Variants in BRSK2 observed in about 807,000 individuals in gnomAD.
BRSK2 encodes the protein BR serine/threonine kinase 2, also known as serine/threonine-protein kinase BRSK2.
Under a neutral mutation model 83.3 loss-of-function variants are expected in BRSK2, and 19 were observed. The ratio of observed to expected loss-of-function variants is 0.23; its 90% CI spans 0.16 to 0.33. The LOEUF (loss-of-function observed/expected upper bound fraction) is 0.33, where lower values mean the gene tolerates loss of function less well. Among genes scored for constraint, BRSK2 ranks in the 10% least tolerant of loss-of-function variants. The pLI is 1.00. For synonymous variants in BRSK2, 519 were observed against 435.4 expected (o/e 1.19, Z -2.39); for missense variants, 798 against 1,042.3 (o/e 0.77, Z 3.23).
chr11:1,448,610 A>G (rs772187278), intron 12 of BRSK2, among the ~76,000 whole-genome samples: 2 of 152,110 alleles, frequency 1.3e-5, no homozygotes, highest in African/African-American at 4.8e-5. Context: ...CGGGCTCGAC[A>G]GGAACCACAG....
At chr11:1,445,534 G>T (rs780539802) in intron 10 of BRSK2, 37 bp from the exon 11 acceptor site, 3 of 1,598,494 alleles carry the variant, frequency 1.9e-6, no homozygotes, top group African/African-American at 2.7e-5. Context: ...CGGCGGCCCC[G>T]TGTGCCAGCG....
rs919231590 is a variant in BRSK2 at position 1,390,603 on chromosome 11, G to A, written c.91+228G>A. Reference sequence around the variant, plus strand: ...GGCCGGGCGCGGCCCAAGGACACGCGGCGCGGCGCGGGGCGCGCAGGCGGA... The same window carrying A: ...GGCCGGGCGCGGCCCAAGGACACGCAGCGCGGCGCGGGGCGCGCAGGCGGA... On this transcript the variant is annotated intron_variant, in intron 1 of 19. Coordinates refer to ENST00000528841, the MANE Select transcript of BRSK2 (RefSeq NM_001256627.2). This position sits in a 1 kb window ranked among gnomAD's most constrained non-coding sequence, Gnocchi z 6.8. 4.1e-5 allele frequency among the ~76,000 whole-genome samples: 6 copies of A among 145,346 alleles called. No homozygotes were observed. Among genetic ancestry groups the A allele is most frequent in the African/African-American group, 1.2e-4 (5 of 40,572 alleles).
At chr11:1,455,279 C>G (rs868775405) in intron 16 of BRSK2, among the ~76,000 whole-genome samples, 37 of 151,504 alleles carry the variant, frequency 2.4e-4, no homozygotes, top group South Asian at 1.0e-3. Context: ...TGTGCTGCAC[C>G]CAGCGCCCAG....
At chr11:1,459,804 C>T (rs1847180922) in intron 19 of BRSK2, among the ~76,000 whole-genome samples, 2 of 152,162 alleles carry the variant, frequency 1.3e-5, no homozygotes, top group Non-Finnish European at 1.5e-5. Flanking sequence ...TGCCCCCAGC[C>T]CCCCAGCCTG....
intron 1 of BRSK2, among the ~76,000 whole-genome samples, chr11:1,426,138 C>A (rs981029652): frequency 6.6e-6 from 1 of 152,222 alleles, no homozygotes; most frequent in South Asian, 2.1e-4. Flanking sequence ...CTTGGGTGCT[C>A]TGGGCACCCA....
intron 18 of BRSK2, among the ~76,000 whole-genome samples, chr11:1,457,832 G>A (rs1298068668): frequency 4.3e-5 from 4 of 93,870 alleles, no homozygotes; most frequent in Non-Finnish European, 1.1e-4. Flanking sequence ...CTTGCTGCGG[G>A]CTGGGGGCTG....
chr11:1,408,096 A>G (rs961159056), intron 1 of BRSK2, among the ~76,000 whole-genome samples: 16 of 152,160 alleles, frequency 1.1e-4, no homozygotes, highest in Non-Finnish European at 1.8e-4. Flanking sequence ...TCTGCAGCCC[A>G]TCCTCTGGCC....
rs1276003222 is a variant in BRSK2, at chr11:1,448,901, G to A, written c.1227-875G>A. On this transcript the variant is annotated intron_variant, in intron 12 of 19. Coordinates refer to ENST00000528841, the MANE Select transcript of BRSK2 (RefSeq NM_001256627.2). Reference sequence around the variant, plus strand: ...GGGGCCTGGGCCGTGGTGTGGACTAGCGAGGCCCCTCGTGGCCGGCTGGCG... The same window carrying A: ...GGGGCCTGGGCCGTGGTGTGGACTAACGAGGCCCCTCGTGGCCGGCTGGCG... 2.6e-5 allele frequency among the ~76,000 whole-genome samples: 4 copies of A among 152,364 alleles called. No individual in the cohort carries two copies. The East Asian group carries it at 7.7e-4, about 29-fold the overall frequency.
In BRSK2 at chr11:1,390,146, CGGCGCGAAGCAGCGGGGCCCGCGGG is replaced by C; in HGVS notation, c.-133_-109del. The stretch of plus-strand genomic sequence containing the variant: ...GGGCGGCGGCGCGGGCGGACGCGGG[CGGCGCGAAGCAGCGGGGCCCGCGGG>C]GGCGCCCCGGCCGGGTCGGCGCGGA... On this transcript the variant is annotated 5_prime_UTR_variant, in exon 1 of 20. Coordinates refer to ENST00000528841, the MANE Select transcript of BRSK2 (RefSeq NM_001256627.2). The surrounding 1 kb of genome is among the most constrained non-coding windows in gnomAD (Gnocchi z 6.8). The C allele has an allele frequency of 2.3e-5, 5 of 221,902 alleles. No individual in the cohort carries two copies. Among genetic ancestry groups the C allele is most frequent in the Non-Finnish European group, 3.7e-5 (5 of 135,578 alleles). The allele number at this position is 221,902 out of a possible 1,614,324, so 13.7% of individuals were successfully genotyped here. A position where few individuals can be genotyped will look rare whatever the true frequency, so the allele number is the denominator to read the frequency against.
chr11:1,461,094 C>T lies in BRSK2; in HGVS notation c.*371C>T, dbSNP rs1021290152. On this transcript the variant is annotated 3_prime_UTR_variant, in exon 20 of 20. Coordinates refer to ENST00000528841, the MANE Select transcript of BRSK2 (RefSeq NM_001256627.2). ...TGCCGGGCAGTGAGGCCCAGCCCAG[C>T]GCCCCGTCCACCCCGCGGCAGCTCC... 7.2e-6 allele frequency: 11 copies of T among 1,520,834 alleles called. No homozygotes were observed. The highest frequency in any genetic ancestry group is 6.9e-5 in the African/African-American group (5 of 72,676). The allele number at this position is 1,520,834 out of a possible 1,614,324, so 94.2% of individuals were successfully genotyped here.
Position 1,444,507 on chromosome 11 carries a change from C to G in BRSK2, c.781-464C>G, listed in dbSNP as rs564932989. ...TGCACCTGCACCCAGCCCTGCCCCG[C>G]CGCACAGGTGGGCCGGGTTCTTCTG... is the stretch of plus-strand genomic sequence containing the variant. On this transcript the variant is annotated intron_variant, in intron 8 of 19. Transcript: ENST00000528841. Among the ~76,000 whole-genome samples the G allele has an allele frequency of 2.6e-5, 4 of 152,120 alleles. No homozygotes were observed. The South Asian group carries it at 8.3e-4, about 31-fold the overall frequency.
At chr11:1,440,648 TCAGCTGCCCCCC>T (rs1851092966) in intron 3 of BRSK2, 128 bp from the exon 4 acceptor site, 2 of 1,037,596 alleles carry the variant, frequency 1.9e-6, no homozygotes, top group Admixed American at 5.8e-5. Flanking sequence ...AGGGCTCCTC[TCAGCTGCCCCCC>T]CAGCCAGCAA....
Position 1,460,719 on chromosome 11 carries a change from C to G in BRSK2, c.2207C>G (p.Pro736Arg). 1 of 1,430,870 alleles carries G rather than the reference C, an allele frequency of 7.0e-7. No homozygotes were observed. The highest frequency in any genetic ancestry group is 1.3e-5 in the South Asian group (1 of 74,968). The allele number at this position is 1,430,870 out of a possible 1,614,324, so 88.6% of individuals were successfully genotyped here. Residue 736 changes from proline (P) to arginine (R), a missense_variant, in exon 20 of 20, where the codon CCT becomes CGT. Physicochemically the swap from Pro to Arg is moderately radical, Grantham distance 103 (BLOSUM62 -2). Transcript: ENST00000528841. The stretch of plus-strand genomic sequence containing the variant: ...CCGCCCACCGCCCGCCGCGAGCAGC[C>G]TTAGACACACTAGCCCCCCCCCCCA... ...MGPPTARREQ[P>R]
rs1848884551 is a variant in BRSK2, at chr11:1,423,785, G to A, written c.92-12255G>A. ...CCAGGCCTCCCCCGCTGGGCGTTCCGGGTGCCCCAGGCCTCCCCCGCTGGG... is the reference window on the plus strand; with the variant it reads ...CCAGGCCTCCCCCGCTGGGCGTTCCAGGTGCCCCAGGCCTCCCCCGCTGGG... On this transcript the variant is annotated intron_variant, in intron 1 of 19. Coordinates refer to ENST00000528841, the MANE Select transcript of BRSK2 (RefSeq NM_001256627.2). This position sits in a 1 kb window ranked among gnomAD's most constrained non-coding sequence, Gnocchi z 6.5. Among the ~76,000 whole-genome samples the A allele has an allele frequency of 6.9e-6, 1 of 144,262 alleles. No homozygotes were observed. Among genetic ancestry groups the A allele is most frequent in the Non-Finnish European group, 1.5e-5 (1 of 65,786 alleles). The allele number at this position is 144,262 out of a possible 152,430, so 94.6% of individuals were successfully genotyped here.
At chr11:1,407,173 G>T (rs2134085213) in intron 1 of BRSK2, among the ~76,000 whole-genome samples, 1 of 152,286 alleles carries the variant, frequency 6.6e-6, no homozygotes, top group Admixed American at 6.5e-5. Context: ...TGCTGTGGTG[G>T]CTGTGGTGTC....
chr11:1,391,828 C>T (rs7394747), intron 1 of BRSK2, among the ~76,000 whole-genome samples: 88,148 of 151,532 alleles, frequency 0.58, 26,738 homozygotes, highest in Middle Eastern at 0.71. Flanking sequence ...GAAACATCTG[C>T]GTGTAAATGA....
intron 10 of BRSK2, 25 bp from the exon 11 acceptor site, chr11:1,445,546 G>T: frequency 1.3e-6 from 2 of 1,593,512 alleles, no homozygotes; most frequent in Non-Finnish European, 1.7e-6. Flanking sequence ...GTGCCAGCGC[G>T]TCTCGCGCCT....
intron 12 of BRSK2, among the ~76,000 whole-genome samples, chr11:1,446,527 C>T (rs578004796): frequency 2.0e-5 from 3 of 152,314 alleles, no homozygotes; most frequent in South Asian, 2.1e-4. Context: ...GCAAGCCTGT[C>T]CCCCTGGTCC....
At chr11:1,435,248 C>T (rs1464072166) in intron 1 of BRSK2, among the ~76,000 whole-genome samples, 3 of 106,726 alleles carry the variant, frequency 2.8e-5, no homozygotes, top group African/African-American at 7.2e-5. Flanking sequence ...GGAGGGGTGC[C>T]GGTGGGGGTC....
Sources: allele counts gnomAD v4.1 joint callset (sites outside exome capture counted in the v4.1 genomes callset), GRCh38; gene constraint gnomAD v4.1.1; non-coding constraint Gnocchi (gnomAD v3.1); transcripts MANE v1.5; gene names NCBI Gene and HGNC (gene_info 2026-07-23, HGNC 2026-07-21).